Variants in PTPRM observed in about 807,000 individuals in gnomAD.
PTPRM encodes the protein protein tyrosine phosphatase receptor type M, also known as receptor-type tyrosine-protein phosphatase mu.
Under a neutral mutation model 186.7 loss-of-function variants are expected in PTPRM, and 47 were observed. The observed-to-expected ratio is 0.25, with a 90% CI of 0.20 to 0.32. PTPRM has a LOEUF of 0.32. PTPRM is among the 10% of genes least tolerant of loss of function. The pLI is 1.00. For synonymous variants in PTPRM, 668 were observed against 674.9 expected (o/e 0.99, Z 0.16); for missense variants, 1,494 against 1,865.0 (o/e 0.80, Z 3.66).
chr18:7,902,366 T>C (rs984577588), intron 3 of PTPRM, among the ~76,000 whole-genome samples: 2 of 152,140 alleles, frequency 1.3e-5, no homozygotes, highest in African/African-American at 4.8e-5. Context: ...AATTGGCTTG[T>C]TTCTGAGACT....
intron 14 of PTPRM, among the ~76,000 whole-genome samples, chr18:8,153,205 T>C (rs2093050147): frequency 1.3e-5 from 2 of 152,194 alleles, no homozygotes. Context: ...GGGAATATGG[T>C]GGATATATTT....
chr18:7,705,698 T>C (rs1362949597), intron 1 of PTPRM, among the ~76,000 whole-genome samples: 3 of 151,780 alleles, frequency 2.0e-5, no homozygotes, highest in Non-Finnish European at 4.4e-5. Flanking sequence ...TCTCTCTTTC[T>C]TTCATTCTTT....
intron 20 of PTPRM, among the ~76,000 whole-genome samples, chr18:8,311,438 A>AT (rs1481790129): frequency 1.3e-5 from 2 of 152,140 alleles, no homozygotes; most frequent in African/African-American, 4.8e-5. Flanking sequence ...CTTGCTGTGT[A>AT]TTAGGCAGGG....
chr18:7,764,019 A>G (rs1021938927), intron 1 of PTPRM, among the ~76,000 whole-genome samples: 1 of 151,486 alleles, frequency 6.6e-6, no homozygotes, highest in Non-Finnish European at 1.5e-5. Flanking sequence ...TACCTAAGAT[A>G]TCTCTTCTTG....
At chr18:7,783,340 C>A (rs1255641753) in intron 2 of PTPRM, among the ~76,000 whole-genome samples, 1 of 152,130 alleles carries the variant, frequency 6.6e-6, no homozygotes, top group Non-Finnish European at 1.5e-5. Flanking sequence ...GGCCAATTTA[C>A]TGGGACAGAG....
intron 14 of PTPRM, among the ~76,000 whole-genome samples, chr18:8,182,961 C>G (rs1207552646): frequency 6.6e-6 from 1 of 152,046 alleles, no homozygotes; most frequent in Non-Finnish European, 1.5e-5. Context: ...GTTTCATAGC[C>G]CATTGTTTTT....
intron 4 of PTPRM, among the ~76,000 whole-genome samples, chr18:7,910,070 C>T (rs1243618953): frequency 6.6e-6 from 1 of 152,118 alleles, no homozygotes; most frequent in Non-Finnish European, 1.5e-5. Flanking sequence ...TCTCTTATTA[C>T]CTTCTGGTGC....
At chr18:7,681,599 A>G (rs1185602111) in intron 1 of PTPRM, among the ~76,000 whole-genome samples, 1 of 151,766 alleles carries the variant, frequency 6.6e-6, no homozygotes, top group Non-Finnish European at 1.5e-5. Flanking sequence ...AAAAAAAACA[A>G]AAAACCCTTA....
intron 1 of PTPRM, among the ~76,000 whole-genome samples, chr18:7,626,504 T>C (rs1482800737): frequency 6.6e-6 from 1 of 152,182 alleles, no homozygotes; most frequent in Non-Finnish European, 1.5e-5. Flanking sequence ...AGAACCTGTA[T>C]GGAGAGTGGA....
chr18:8,145,999 T>G (rs2092875123), intron 14 of PTPRM, among the ~76,000 whole-genome samples: 1 of 151,402 alleles, frequency 6.6e-6, no homozygotes, highest in Non-Finnish European at 1.5e-5. Context: ...CATCTGTTGT[T>G]TCCTGACTTT....
At chr18:8,259,788 C>T (rs1363125774) in intron 19 of PTPRM, among the ~76,000 whole-genome samples, 3 of 152,048 alleles carry the variant, frequency 2.0e-5, no homozygotes, top group African/African-American at 7.2e-5. Flanking sequence ...GCTGGAGCTA[C>T]AGGCACACGC....
chr18:8,363,376 C>T (rs115012476), intron 23 of PTPRM, among the ~76,000 whole-genome samples: 2,290 of 152,192 alleles, frequency 0.015, 30 homozygotes, highest in African/African-American at 0.036. Context: ...GGCACAAAGT[C>T]GTAGATCTAT....
At chr18:7,803,838 A>G (rs773837892) in intron 2 of PTPRM, among the ~76,000 whole-genome samples, 10 of 152,208 alleles carry the variant, frequency 6.6e-5, no homozygotes, top group Admixed American at 2.0e-4. Flanking sequence ...TTCACTGACT[A>G]TAAATTGAAG....
intron 1 of PTPRM, among the ~76,000 whole-genome samples, chr18:7,624,680 T>C (rs2038018567): frequency 6.6e-6 from 1 of 152,198 alleles, no homozygotes; most frequent in African/African-American, 2.4e-5. Flanking sequence ...TTTTGCTACG[T>C]TGCTCAGGCT....
At position 7,888,176 on chromosome 18, in the gene PTPRM, T is replaced by G; in HGVS notation, c.267T>G (p.Leu89=). The change falls in exon 3 of 33, where the codon CTT becomes CTG. Residue 89 remains leucine (L), a synonymous_variant. Coordinates refer to ENST00000580170, the MANE Select transcript of PTPRM (RefSeq NM_001105244.2). ...GQRAHLLLPQ[L]KENDTHCIDF... ...GAGCCCACCTGCTCTTACCCCAACT[T>G]AAAGAAAATGACACCCACTGCATCG... 6.2e-7 allele frequency: 1 copy of G among 1,614,148 alleles called. No individual in the cohort carries two copies. Among genetic ancestry groups the G allele is most frequent in the Non-Finnish European group, 8.5e-7 (1 of 1,180,002 alleles).
chr18:8,114,921 G>A, intron 13 of PTPRM, 94 bp downstream of exon 13: 1 of 971,702 alleles, frequency 1.0e-6, no homozygotes. Context: ...GAACTTAATT[G>A]AAAATAAAAT....
intron 2 of PTPRM, among the ~76,000 whole-genome samples, chr18:7,869,017 T>C (rs1264822552): frequency 6.6e-6 from 1 of 152,154 alleles, no homozygotes. Flanking sequence ...AACTGCCTAC[T>C]CAAGTCCAGT....
chr18:8,085,659 A>C lies in PTPRM; in HGVS notation c.1552-12A>C. 6.3e-7 allele frequency: 1 copy of C among 1,575,866 alleles called. No individual in the cohort carries two copies. The highest frequency in any genetic ancestry group is 8.7e-7 in the Non-Finnish European group (1 of 1,145,454). ...GCTCCAGATATTTTATCACTTTCTC[A>C]TTCTTTTGCAGATCACCTACAAAGC... On this transcript the variant is annotated splice_polypyrimidine_tract_variant and intron_variant, in intron 9 of 32. Coordinates refer to ENST00000580170, the MANE Select transcript of PTPRM (RefSeq NM_001105244.2).
chr18:8,125,170 A>T (rs2092298505), intron 13 of PTPRM, among the ~76,000 whole-genome samples: 1 of 150,882 alleles, frequency 6.6e-6, no homozygotes, highest in Admixed American at 6.6e-5. Context: ...AGATCAAGCT[A>T]CTGCACTCCA....
Sources: allele counts gnomAD v4.1 joint callset (sites outside exome capture counted in the v4.1 genomes callset), GRCh38; gene constraint gnomAD v4.1.1; transcripts MANE v1.5; gene names NCBI Gene and HGNC (gene_info 2026-07-23, HGNC 2026-07-21).